PRR14: variants seen among roughly 807,000 people sequenced by gnomAD.
PRR14 encodes the protein proline-rich protein 14.
Under a neutral mutation model 57.2 loss-of-function variants are expected in PRR14, and 33 were observed. The observed-to-expected ratio is 0.58, with a 90% CI of 0.44 to 0.77. PRR14 has a LOEUF of 0.77. Ranked by LOEUF, PRR14 falls within the 30% of genes least tolerant of loss-of-function variation. The pLI, the probability that PRR14 is intolerant of heterozygous loss-of-function variation, is 0.00. For missense variants in PRR14, 716 were observed against 788.1 expected, an observed-to-expected ratio of 0.91 and a Z score of 1.10; for synonymous variants, 303 against 314.7, an observed-to-expected ratio of 0.96 and a Z score of 0.39.
chr16:30,653,042 C>T lies in PRR14; in HGVS notation c.443C>T (p.Ala148Val). 2 of 1,613,432 alleles carry T rather than the reference C, an allele frequency of 1.2e-6. No individual in the cohort carries two copies. Among genetic ancestry groups the T allele is most frequent in the Non-Finnish European group, 1.7e-6 (2 of 1,179,636 alleles). The change falls in exon 5 of 12, where the codon GCC (alanine) becomes GTC (valine). Residue 148 changes from alanine to valine, a missense_variant. Physicochemically the swap from Ala to Val is moderately conservative, Grantham distance 64 (BLOSUM62 0). Coordinates refer to ENST00000300835, the MANE Select transcript of PRR14 (RefSeq NM_024031.5). ...EEGPSQKVDR[A>V]PQPTLVVMLE... ...GGCCCTTCACAAAAGGTGGACCGGG[C>T]CCCCCAGCCCACCCTGGTGGTGATG...
In PRR14 at chr16:30,651,350, G is replaced by C. The variant is rs1408608517; in HGVS notation, c.-51+223G>C. ...AAAGGCCTCGGGAGGCTCGGGCCGC[G>C]GGAGAACTGGGGCCGCTGCATTCTG... On this transcript the variant is annotated intron_variant, in intron 1 of 11. Coordinates refer to ENST00000300835, the MANE Select transcript of PRR14 (RefSeq NM_024031.5). This position sits in a 1 kb window ranked among gnomAD's most constrained non-coding sequence, Gnocchi z 5.0. The C allele has an allele frequency of 2.3e-6, 1 of 442,884 alleles. No individual in the cohort carries two copies. The allele number at this position is 442,884 out of a possible 1,614,324, so 27.4% of individuals were successfully genotyped here.
In PRR14 at chr16:30,652,745, A is replaced by T; in HGVS notation, c.217A>T (p.Thr73Ser). ...HMVPVVPSKQTSIPQHHSYHQ... is the reference protein window; with the variant it reads ...HMVPVVPSKQSSIPQHHSYHQ... ...GGTCCCCGTGGTGCCCTCAAAGCAGACCTCCATACCACAGCACCACAGCTA... is the reference window on the plus strand; with the variant it reads ...GGTCCCCGTGGTGCCCTCAAAGCAGTCCTCCATACCACAGCACCACAGCTA... Residue 73 changes from threonine (T) to serine (S), a missense_variant, in exon 4 of 12, where the codon ACC becomes TCC. Coordinates refer to ENST00000300835, the MANE Select transcript of PRR14 (RefSeq NM_024031.5). 2 of 1,613,834 alleles carry T rather than the reference A, an allele frequency of 1.2e-6. No homozygotes were observed. The highest frequency in any genetic ancestry group is 1.7e-6 in the Non-Finnish European group (2 of 1,179,960).
In PRR14 at chr16:30,651,071, T is replaced by C. The variant is rs1407471859; in HGVS notation, c.-107T>C. 1 of 455,660 alleles carries C rather than the reference T, an allele frequency of 2.2e-6. No homozygotes were observed. Among genetic ancestry groups the C allele is most frequent in the Non-Finnish European group, 4.4e-6 (1 of 226,344 alleles). The allele number at this position is 455,660 out of a possible 1,614,324, so 28.2% of individuals were successfully genotyped here. A position where few individuals can be genotyped will look rare whatever the true frequency, so the allele number is the denominator to read the frequency against. ...CTGTCTGAGCGGAGCTTTGCGGCGC[T>C]GAAGCTTACAGGGGAAGGAAAAGCC... is the stretch of plus-strand genomic sequence containing the variant. On this transcript the variant is annotated 5_prime_UTR_variant, in exon 1 of 12. Coordinates refer to ENST00000300835, the MANE Select transcript of PRR14 (RefSeq NM_024031.5). This position sits in a 1 kb window ranked among gnomAD's most constrained non-coding sequence, Gnocchi z 5.0.
intron 7 of PRR14, 57 bp downstream of exon 7, chr16:30,654,396 G>A: frequency 7.1e-7 from 1 of 1,415,832 alleles, no homozygotes; most frequent in Non-Finnish European, 1.0e-6. Flanking sequence ...TCCTAGTTGA[G>A]CTTGGAAGTG....
At position 30,655,792 on chromosome 16, in the gene PRR14, A is replaced by T; in HGVS notation, c.1407-76A>T. ...CCTGACATGTCCCAGAAACTGAAAT[A>T]CAGACCAGGCCTTACCTGTCCCTTC... On this transcript the variant is annotated intron_variant, in intron 10 of 11. Coordinates refer to ENST00000300835, the MANE Select transcript of PRR14 (RefSeq NM_024031.5). The surrounding 1 kb of genome is among the most constrained non-coding windows in gnomAD (Gnocchi z 4.6). The T allele has an allele frequency of 1.3e-6, 2 of 1,522,480 alleles. No individual in the cohort carries two copies. The highest frequency in any genetic ancestry group is 1.8e-6 in the Non-Finnish European group (2 of 1,096,678). 94.3% of individuals were successfully genotyped at this position (1,522,480 alleles called of 1,614,324 possible).
In PRR14 at chr16:30,655,361, A is replaced by G; in HGVS notation, c.1255A>G (p.Thr419Ala). 1 of 1,614,016 alleles carries G rather than the reference A, an allele frequency of 6.2e-7. No individual in the cohort carries two copies. Among genetic ancestry groups the G allele is most frequent in the Non-Finnish European group, 8.5e-7 (1 of 1,180,032 alleles). Residue 419 changes from threonine (T) to alanine (A), a missense_variant, in exon 9 of 12, where the codon ACC (threonine) becomes GCC (alanine). Transcript: ENST00000300835. This position sits in a 1 kb window ranked among gnomAD's most constrained non-coding sequence, Gnocchi z 4.6. The stretch of plus-strand genomic sequence containing the variant: ...TGACCTTCTTGGCAGGTTGGGTTCA[A>G]CCAAAGGGAAGGAGCCAAGAGCCTC... The part of the protein sequence containing the change: ...SEPAEPRLGS[T>A]KGKEPRASKD...
chr16:30,654,140 AAAAG>A, intron 6 of PRR14, 86 bp from the exon 7 acceptor site: 4 of 895,934 alleles, frequency 4.5e-6, no homozygotes, highest in Non-Finnish European at 7.2e-6. Context: ...AAAAAAAAAA[AAAAG>A]AAGAAGCCTT....
rs1357321222 is a variant in PRR14, at chr16:30,655,672, C to T, written c.1406+79C>T. ...GTCCCCTGAAGTATAGCTTTGTCTC[C>T]CCTCAGGGAGCACAGTCCAGCCTGA... On this transcript the variant is annotated intron_variant, in intron 10 of 11. Coordinates refer to ENST00000300835, the MANE Select transcript of PRR14 (RefSeq NM_024031.5). The surrounding 1 kb of genome is among the most constrained non-coding windows in gnomAD (Gnocchi z 4.6). The T allele has an allele frequency of 4.2e-6, 6 of 1,419,830 alleles. No homozygotes were observed. Among genetic ancestry groups the T allele is most frequent in the Non-Finnish European group, 5.0e-6 (5 of 1,009,474 alleles). The allele number at this position is 1,419,830 out of a possible 1,614,324, so 88.0% of individuals were successfully genotyped here.
chr16:30,652,026 G>C, intron 3 of PRR14, 62 bp downstream of exon 3: 1 of 1,487,220 alleles, frequency 6.7e-7, no homozygotes, highest in Non-Finnish European at 9.0e-7. Context: ...ACCAAACTCG[G>C]GCCAGATCCC....
At position 30,655,556 on chromosome 16, in the gene PRR14, C is replaced by T. The variant is rs760634051; in HGVS notation, c.1369C>T (p.Leu457=). ...RIRRTPARPQ[L]NLTPMGLPRP... Reference sequence around the variant, plus strand: ...ACGCAGAACACCAGCCCGTCCTCAGCTAAACCTTACACCAATGGGACTGCC... The same window carrying T: ...ACGCAGAACACCAGCCCGTCCTCAGTTAAACCTTACACCAATGGGACTGCC... The change falls in exon 10 of 12, where the codon CTA becomes TTA. Residue 457 remains leucine, a synonymous_variant. Transcript: ENST00000300835. The surrounding 1 kb of genome is among the most constrained non-coding windows in gnomAD (Gnocchi z 4.6). 3 of 1,614,232 alleles carry T rather than the reference C, an allele frequency of 1.9e-6. No individual in the cohort carries two copies. Among genetic ancestry groups the T allele is most frequent in the Middle Eastern group, 1.6e-4 (1 of 6,062 alleles).
chr16:30,654,020 T>G (rs2052339468), intron 6 of PRR14: 8 of 568,268 alleles, frequency 1.4e-5, no homozygotes, highest in Non-Finnish European at 2.5e-5. Context: ...TTCTAGCCAC[T>G]TGGGAGGCTG....
rs2052356483 is a variant in PRR14, at chr16:30,655,102, C to T, written c.1132C>T (p.Pro378Ser). 1 of 1,611,798 alleles carries T rather than the reference C, an allele frequency of 6.2e-7. No individual in the cohort carries two copies. The highest frequency in any genetic ancestry group is 8.5e-7 in the Non-Finnish European group (1 of 1,179,928). Residue 378 changes from proline to serine, a missense_variant, in exon 8 of 12, where the codon CCC becomes TCC. Coordinates refer to ENST00000300835, the MANE Select transcript of PRR14 (RefSeq NM_024031.5). This position sits in a 1 kb window ranked among gnomAD's most constrained non-coding sequence, Gnocchi z 4.6. ...GGCCCGAGCCCCGCCACCCCCTCGG[C>T]CCTGTCTCCGGAAAGAGGTCTTCCC... ...EMARAPPPPR[P>S]CLRKEVFPLG...
At position 30,656,185 on chromosome 16, in the gene PRR14, G is replaced by T; in HGVS notation, c.1632G>T (p.Arg544Ser). The T allele has an allele frequency of 6.2e-7, 1 of 1,611,048 alleles. No individual in the cohort carries two copies. ...GTGGGGTCCGGGCTGCAGGGGGCAG[G>T]ACTGTTCCTCCCAATGTGGCCCCCA... The part of the protein sequence containing the change: ...PSRGVRAAGG[R>S]TVPPNVAPSP... Residue 544 changes from arginine to serine, a missense_variant, in exon 12 of 12, where the codon AGG (arginine) becomes AGT (serine). By Grantham distance (110) the Arg-to-Ser change is moderately radical. Coordinates refer to ENST00000300835, the MANE Select transcript of PRR14 (RefSeq NM_024031.5).
rs1331535394 is a variant in PRR14, at chr16:30,654,296, G to C, written c.615G>C (p.Gln205His). 2 of 1,614,068 alleles carry C rather than the reference G, an allele frequency of 1.2e-6. No homozygotes were observed. Among genetic ancestry groups the C allele is most frequent in the Non-Finnish European group, 8.5e-7 (1 of 1,179,976 alleles). Residue 205 changes from glutamine to histidine, a missense_variant, in exon 7 of 12, where the codon CAG becomes CAC. By Grantham distance (24) the Gln-to-His change is conservative. Transcript: ENST00000300835. ...CTGGGGACCTAGAACCCCCATTCCA[G>C]CCATCTGCTCTGCCTGCAGACCCTC... ...PPPGDLEPPF[Q>H]PSALPADPLE...
At chr16:30,653,981 T>C (rs900868126) in intron 6 of PRR14, 1 of 460,224 alleles carries the variant, frequency 2.2e-6, no homozygotes, top group East Asian at 3.7e-5. Flanking sequence ...TGTTTTAAAT[T>C]AGTTGGATGT....
intron 6 of PRR14, among the ~76,000 whole-genome samples, chr16:30,653,734 T>C (rs527644799): frequency 3.6e-4 from 55 of 152,286 alleles, no homozygotes; most frequent in African/African-American, 1.3e-3. Context: ...TGGTGCGATC[T>C]CAGCTCACTG....
Position 30,654,255 on chromosome 16 carries a change from C to T in PRR14, c.574C>T (p.Gln192Ter). The T allele has an allele frequency of 6.2e-7, 1 of 1,614,118 alleles. No homozygotes were observed. The highest frequency in any genetic ancestry group is 8.5e-7 in the Non-Finnish European group (1 of 1,179,988). Residue 192 changes from glutamine to a stop codon, truncating the protein, a stop_gained, in exon 7 of 12, where the codon CAG becomes TAG. Coordinates refer to ENST00000300835, the MANE Select transcript of PRR14 (RefSeq NM_024031.5). LOFTEE classifies it high-confidence loss of function. ...QRAEPMRIVR[Q>*]PTPPPGDLEP... ...AGCTGAGCCCATGAGGATAGTTCGC[C>T]AGCCAACGCCTCCACCTGGGGACCT...
rs1250128143 is a variant in PRR14, at chr16:30,651,645, C to T, written c.-1C>T. ...ACCCCCCCGGAGCCGCCGCGTCTCC[C>T]ATGGACTTGCCCGGGGACTCCAGGT... On this transcript the variant is annotated 5_prime_UTR_variant, in exon 2 of 12. Transcript: ENST00000300835. The surrounding 1 kb of genome is among the most constrained non-coding windows in gnomAD (Gnocchi z 5.0). 2 of 1,607,910 alleles carry T rather than the reference C, an allele frequency of 1.2e-6. No homozygotes were observed. The highest frequency in any genetic ancestry group is 1.7e-6 in the Non-Finnish European group (2 of 1,177,386).
chr16:30,652,100 A>G, intron 3 of PRR14, 136 bp downstream of exon 3: 2 of 970,202 alleles, frequency 2.1e-6, no homozygotes, highest in Non-Finnish European at 3.0e-6. Context: ...AGCCTCCCTC[A>G]TGGTAGAGTC....
Sources: allele counts gnomAD v4.1 joint callset (sites outside exome capture counted in the v4.1 genomes callset), GRCh38; gene constraint gnomAD v4.1.1; non-coding constraint Gnocchi (gnomAD v3.1); transcripts MANE v1.5; gene names NCBI Gene and HGNC (gene_info 2026-07-23, HGNC 2026-07-21).